Variants in TNFSF4 observed in about 807,000 individuals in gnomAD.
The protein encoded by TNFSF4 is tumor necrosis factor ligand superfamily member 4.
Under a neutral mutation model 7.3 loss-of-function variants are expected in TNFSF4, and 4 were observed. That is an observed-to-expected ratio of 0.55 (90% confidence interval 0.27 to 1.25). The LOEUF is 1.25. Among genes scored for constraint, TNFSF4 ranks in the 50% most tolerant of loss-of-function variants. TNFSF4 has a pLI of 0.12. For synonymous variants in TNFSF4, 76 were observed against 83.7 expected (o/e 0.91, Z 0.50); for missense variants, 181 against 208.8 (o/e 0.87, Z 0.82).
At chr1:173,187,174 G>T (rs965833117) in intron 2 of TNFSF4, among the ~76,000 whole-genome samples, 1 of 152,228 alleles carries the variant, frequency 6.6e-6, no homozygotes, top group Non-Finnish European at 1.5e-5. Flanking sequence ...GCCCAACAGA[G>T]TCTCAGATGG....
the TNFSF4 span, among the ~76,000 whole-genome samples, chr1:173,225,846 T>A: frequency 1.3e-4 from 20 of 152,216 alleles, no homozygotes; most frequent in Non-Finnish European, 1.0e-4. Context: ...TTAAAATTCT[T>A]GAACACAGAG....
chr1:173,238,375 T>G, the TNFSF4 span, among the ~76,000 whole-genome samples: 1 of 152,080 alleles, frequency 6.6e-6, no homozygotes, highest in Non-Finnish European at 1.5e-5. Context: ...CAAAAGCAAT[T>G]GCAATAAAGC....
At chr1:173,411,067 T>C in the TNFSF4 span, among the ~76,000 whole-genome samples, 3 of 152,366 alleles carry the variant, frequency 2.0e-5, no homozygotes, top group African/African-American at 7.2e-5. Flanking sequence ...ACTGGTCCGC[T>C]TTGGCCGCTT....
chr1:173,252,641 G>A, the TNFSF4 span, among the ~76,000 whole-genome samples: 1 of 152,078 alleles, frequency 6.6e-6, no homozygotes, highest in Non-Finnish European at 1.5e-5. Context: ...TACAATTAGG[G>A]AACAACTGTT....
chr1:173,207,437 T>C (rs1011100170), upstream of TNFSF4: 7 of 322,842 alleles, frequency 2.2e-5, 1 homozygote, highest in Non-Finnish European at 4.0e-5. Flanking sequence ...TCTTTCTTTT[T>C]TTTTTTCCTC....
At chr1:173,352,004 G>A in the TNFSF4 span, 1 of 430,446 alleles carries the variant, frequency 2.3e-6, no homozygotes. Flanking sequence ...AGGAGATGCA[G>A]GAATAAAGTA....
chr1:173,347,344 A>G, the TNFSF4 span, among the ~76,000 whole-genome samples: 2 of 152,056 alleles, frequency 1.3e-5, no homozygotes, highest in East Asian at 3.9e-4. Context: ...TAAATGTTCT[A>G]AGGAAAGTGG....
the TNFSF4 span, among the ~76,000 whole-genome samples, chr1:173,279,509 C>T: frequency 6.6e-6 from 1 of 152,062 alleles, no homozygotes; most frequent in Non-Finnish European, 1.5e-5. Context: ...ATCCAACTGC[C>T]TCTGGTAAGC....
At chr1:173,352,177 C>T in the TNFSF4 span, among the ~76,000 whole-genome samples, 2 of 152,296 alleles carry the variant, frequency 1.3e-5, no homozygotes, top group South Asian at 2.1e-4. Flanking sequence ...CACTCACATC[C>T]ACGGGGATGC....
At chr1:173,353,412 G>T in the TNFSF4 span, among the ~76,000 whole-genome samples, 6 of 152,114 alleles carry the variant, frequency 3.9e-5, no homozygotes, top group Non-Finnish European at 8.8e-5. Context: ...TCCATTCGGG[G>T]TCTCTGACTT....
chr1:173,191,864 C>T (rs1344152421), intron 1 of TNFSF4, among the ~76,000 whole-genome samples: 1 of 152,168 alleles, frequency 6.6e-6, no homozygotes, highest in Non-Finnish European at 1.5e-5. Flanking sequence ...TTTGCCAGCA[C>T]ATGGTACGTG....
At chr1:173,444,708 A>G in the TNFSF4 span, among the ~76,000 whole-genome samples, 1 of 152,180 alleles carries the variant, frequency 6.6e-6, no homozygotes. Flanking sequence ...TTCAGAGAGA[A>G]TAAGTATTGG....
the TNFSF4 span, among the ~76,000 whole-genome samples, chr1:173,177,951 C>G: frequency 6.6e-6 from 1 of 151,980 alleles, no homozygotes; most frequent in African/African-American, 2.4e-5. Flanking sequence ...GGTTACACAT[C>G]TACTTTTCAT....
At chr1:173,414,768 A>G in the TNFSF4 span, among the ~76,000 whole-genome samples, 2 of 152,228 alleles carry the variant, frequency 1.3e-5, no homozygotes, top group Non-Finnish European at 2.9e-5. Context: ...TCCAAGCTTC[A>G]GCCATGCCAT....
At chr1:173,274,686 C>T in the TNFSF4 span, among the ~76,000 whole-genome samples, 1 of 152,010 alleles carries the variant, frequency 6.6e-6, no homozygotes, top group Non-Finnish European at 1.5e-5. Flanking sequence ...AAAAAGAATT[C>T]AGAGATTCAA....
chr1:173,393,296 G>A, the TNFSF4 span, among the ~76,000 whole-genome samples: 1 of 152,184 alleles, frequency 6.6e-6, no homozygotes, highest in Non-Finnish European at 1.5e-5. Flanking sequence ...TGCCAGAAAC[G>A]TGTGAGTCAT....
At chr1:173,188,650 A>G (rs528422709) in intron 1 of TNFSF4, 81 bp from the exon 2 acceptor site, 85 of 1,190,586 alleles carry the variant, frequency 7.1e-5, no homozygotes, top group Non-Finnish European at 9.8e-5. Flanking sequence ...TGGAACAGTG[A>G]AGCAGAAATG....
At chr1:173,329,760 G>C in the TNFSF4 span, among the ~76,000 whole-genome samples, 2 of 151,790 alleles carry the variant, frequency 1.3e-5, no homozygotes, top group Non-Finnish European at 2.9e-5. Flanking sequence ...CTTCTGTGTT[G>C]CTACTAAGAA....
the TNFSF4 span, among the ~76,000 whole-genome samples, chr1:173,286,519 T>C: frequency 2.0e-5 from 3 of 152,214 alleles, no homozygotes; most frequent in Admixed American, 6.5e-5. Flanking sequence ...ATTCAATAGA[T>C]AGTGATGGAT....
Sources: gnomAD v4.1 joint callset for allele counts (sites outside exome capture counted in the v4.1 genomes callset) on GRCh38, gnomAD v4.1.1 for gene constraint, MANE v1.5 for transcripts, NCBI Gene and HGNC (gene_info 2026-07-23, HGNC 2026-07-21) for gene names.